The following CADPS2 variants were observed in gnomAD, a reference collection of about 807,000 sequenced individuals.
CADPS2 encodes the protein calcium dependent secretion activator 2.
CADPS2 carries 93 observed loss-of-function variants against 172.5 expected under a neutral mutation model. The ratio of observed to expected loss-of-function variants is 0.54; its 90% CI spans 0.46 to 0.64. CADPS2 has a LOEUF of 0.64. Ranked by LOEUF, CADPS2 falls within the 30% of genes least tolerant of loss-of-function variation. CADPS2 has a pLI of 0.00. For synonymous variants in CADPS2, 546 were observed against 555.2 expected (o/e 0.98, Z 0.23); for missense variants, 1,420 against 1,565.9 (o/e 0.91, Z 1.57).
chr7:122,382,851 G>T (rs2043184878), intron 24 of CADPS2, among the ~76,000 whole-genome samples: 1 of 152,068 alleles, frequency 6.6e-6, no homozygotes, highest in Admixed American at 6.6e-5. Flanking sequence ...CTTATACACT[G>T]TTGGTGGGAA....
chr7:122,587,542 T>C (rs1346869978), intron 6 of CADPS2, among the ~76,000 whole-genome samples: 2 of 152,174 alleles, frequency 1.3e-5, no homozygotes, highest in African/African-American at 4.8e-5. Flanking sequence ...TGATTCCCTA[T>C]CTTTGCTGTT....
At chr7:122,508,040 A>G (rs2130702576) in intron 9 of CADPS2, among the ~76,000 whole-genome samples, 1 of 152,300 alleles carries the variant, frequency 6.6e-6, no homozygotes, top group East Asian at 1.9e-4. Flanking sequence ...CTATGTACAG[A>G]TTCAGGCACA....
At chr7:122,483,133 T>C (rs1009315642) in intron 11 of CADPS2, among the ~76,000 whole-genome samples, 1 of 152,210 alleles carries the variant, frequency 6.6e-6, no homozygotes, top group Non-Finnish European at 1.5e-5. Context: ...GAGGATTGAA[T>C]TGTTTCCAAG....
At chr7:122,535,479 T>C (rs2062167685) in intron 8 of CADPS2, among the ~76,000 whole-genome samples, 1 of 152,048 alleles carries the variant, frequency 6.6e-6, no homozygotes, top group South Asian at 2.1e-4. Context: ...ATTAGAGTAG[T>C]AGCTGAGTAC....
At chr7:122,873,868 A>T (rs1820493533) in intron 1 of CADPS2, among the ~76,000 whole-genome samples, 1 of 152,178 alleles carries the variant, frequency 6.6e-6, no homozygotes, top group South Asian at 2.1e-4. Flanking sequence ...TCTAACTGGC[A>T]TGAGATGATA....
chr7:122,856,176 ACTCC>A (rs1448929009), intron 1 of CADPS2, among the ~76,000 whole-genome samples: 1 of 152,074 alleles, frequency 6.6e-6, no homozygotes, highest in Non-Finnish European at 1.5e-5. Context: ...CCAACATCCC[ACTCC>A]CTGTGTTCTT....
chr7:122,665,573 T>A (rs898081373), intron 2 of CADPS2, among the ~76,000 whole-genome samples: 2 of 152,184 alleles, frequency 1.3e-5, no homozygotes, highest in Non-Finnish European at 2.9e-5. Flanking sequence ...TAGCCTGCAG[T>A]TGGGCAAAAT....
chr7:122,836,517 G>A (rs1808477871), intron 1 of CADPS2, among the ~76,000 whole-genome samples: 1 of 152,146 alleles, frequency 6.6e-6, no homozygotes, highest in Non-Finnish European at 1.5e-5. Flanking sequence ...CCATCAGTGT[G>A]CTGTCTTCAG....
intron 2 of CADPS2, among the ~76,000 whole-genome samples, chr7:122,690,835 C>T (rs916595473): frequency 6.6e-6 from 1 of 152,218 alleles, no homozygotes; most frequent in African/African-American, 2.4e-5. Context: ...TTTGCCCACA[C>T]TTGGTATCAA....
chr7:122,822,729 A>G (rs1803710028), intron 1 of CADPS2, among the ~76,000 whole-genome samples: 1 of 152,066 alleles, frequency 6.6e-6, no homozygotes, highest in African/African-American at 2.4e-5. Context: ...TTAAGTGATG[A>G]CATTACCTTG....
chr7:122,506,739 A>AC (rs1051597580), intron 9 of CADPS2, among the ~76,000 whole-genome samples: 1 of 150,992 alleles, frequency 6.6e-6, no homozygotes, highest in Non-Finnish European at 1.5e-5. Context: ...AAAAAAAAAA[A>AC]AAAACAAACA....
chr7:122,452,540 C>T (rs1047160682), intron 14 of CADPS2, among the ~76,000 whole-genome samples: 2 of 152,120 alleles, frequency 1.3e-5, no homozygotes, highest in African/African-American at 4.8e-5. Flanking sequence ...GGATTACAGG[C>T]ACCTGTCACT....
chr7:122,328,437 A>C (rs2034325806), intron 28 of CADPS2: 1 of 152,216 alleles, frequency 6.6e-6, no homozygotes, highest in African/African-American at 2.4e-5. Context: ...AATTTTATAA[A>C]ACAACTTGGT....
chr7:122,859,371 C>T (rs1235026071), intron 1 of CADPS2, among the ~76,000 whole-genome samples: 2 of 152,080 alleles, frequency 1.3e-5, no homozygotes, highest in East Asian at 3.9e-4. Context: ...TGCCTCTAGG[C>T]AAAAATATGC....
chr7:122,747,030 C>T (rs2092745525), intron 1 of CADPS2, among the ~76,000 whole-genome samples: 1 of 152,162 alleles, frequency 6.6e-6, no homozygotes, highest in South Asian at 2.1e-4. Flanking sequence ...ATGGTCCCCA[C>T]TAACAATGTA....
At chr7:122,495,740 A>G (rs55975206) in intron 9 of CADPS2, among the ~76,000 whole-genome samples, 41,631 of 152,064 alleles carry the variant, frequency 0.27, 6,023 homozygotes, top group East Asian at 0.39. Context: ...CTGCTTTCCA[A>G]TTTGTACATA....
chr7:122,758,455 A>G (rs1204320214), intron 1 of CADPS2, among the ~76,000 whole-genome samples: 1 of 152,184 alleles, frequency 6.6e-6, no homozygotes, highest in Non-Finnish European at 1.5e-5. Flanking sequence ...GCAATCTCAC[A>G]TCTTATTTTA....
intron 20 of CADPS2, among the ~76,000 whole-genome samples, chr7:122,397,833 A>G (rs57294714): frequency 0.37 from 55,587 of 151,962 alleles, 10,546 homozygotes; most frequent in African/African-American, 0.47. Context: ...ACATCCAAGA[A>G]CACTTCTGAC....
intron 1 of CADPS2, among the ~76,000 whole-genome samples, chr7:122,843,289 A>G (rs1811084811): frequency 6.6e-6 from 1 of 152,168 alleles, no homozygotes; most frequent in South Asian, 2.1e-4. Flanking sequence ...TTTCTCCTCA[A>G]CAATATATAA....
Sources: allele counts gnomAD v4.1 joint callset (sites outside exome capture counted in the v4.1 genomes callset), GRCh38; gene constraint gnomAD v4.1.1; transcripts MANE v1.5; gene names NCBI Gene and HGNC (gene_info 2026-07-23, HGNC 2026-07-21).